EDARADD: variants seen among roughly 807,000 people sequenced by gnomAD.
The protein encoded by EDARADD is ectodysplasin-A receptor-associated adapter protein.
EDARADD carries 20 observed loss-of-function variants against 25.6 expected under a neutral mutation model. The ratio of observed to expected loss-of-function variants is 0.78; its 90% CI spans 0.55 to 1.14. EDARADD has a LOEUF of 1.14. Among genes scored for constraint, EDARADD ranks in the 50% most tolerant of loss-of-function variants. The pLI, the probability that EDARADD is intolerant of heterozygous loss-of-function variation, is 0.00. For synonymous variants in EDARADD, 86 were observed against 94.4 expected (o/e 0.91, Z 0.52); for missense variants, 225 against 270.1 (o/e 0.83, Z 1.17).
intron 3 of EDARADD, among the ~76,000 whole-genome samples, chr1:236,356,826 G>A (rs915628397): frequency 1.3e-5 from 2 of 152,124 alleles, no homozygotes; most frequent in Non-Finnish European, 2.9e-5. Flanking sequence ...GCTCACACCT[G>A]TAATCCCAGC....
intron 4 of EDARADD, among the ~76,000 whole-genome samples, chr1:236,461,727 G>T (rs528134846): frequency 2.4e-4 from 36 of 152,166 alleles, no homozygotes; most frequent in Admixed American, 1.2e-3. Context: ...CTTGGTGTTC[G>T]TGGTGGTTTC....
At chr1:236,443,067 A>G (rs745670618) in intron 4 of EDARADD, among the ~76,000 whole-genome samples, 9 of 152,186 alleles carry the variant, frequency 5.9e-5, no homozygotes, top group Non-Finnish European at 1.2e-4. Flanking sequence ...AAGTTACCAT[A>G]TTAGCATGCC....
intron 4 of EDARADD, among the ~76,000 whole-genome samples, chr1:236,466,452 C>G (rs1340262155): frequency 6.6e-6 from 1 of 151,840 alleles, no homozygotes; most frequent in Non-Finnish European, 1.5e-5. Flanking sequence ...CACACACACA[C>G]ACACACACTC....
chr1:236,370,093 C>A (rs1344973012), intron 3 of EDARADD, among the ~76,000 whole-genome samples: 9 of 152,078 alleles, frequency 5.9e-5, no homozygotes, highest in Non-Finnish European at 1.3e-4. Context: ...AAGGGTTCAT[C>A]TTGCCCACTG....
intron 4 of EDARADD, among the ~76,000 whole-genome samples, chr1:236,460,621 G>A (rs1659012059): frequency 6.6e-6 from 1 of 152,116 alleles, no homozygotes; most frequent in Admixed American, 6.5e-5. Context: ...TAATTATTTT[G>A]CAGAAAAAGA....
intron 5 of EDARADD, among the ~76,000 whole-genome samples, chr1:236,475,428 T>C (rs1360977081): frequency 1.3e-5 from 2 of 152,212 alleles, no homozygotes; most frequent in African/African-American, 4.8e-5. Flanking sequence ...TAGCAGTTCA[T>C]GTAGATTCCA....
chr1:236,373,740 T>C (rs1036871043), intron 3 of EDARADD, among the ~76,000 whole-genome samples: 1 of 152,158 alleles, frequency 6.6e-6, no homozygotes, highest in Non-Finnish European at 1.5e-5. Context: ...TTTCCTAAAG[T>C]GGAAGCATAG....
intron 4 of EDARADD, among the ~76,000 whole-genome samples, chr1:236,454,249 C>T (rs1022204096): frequency 5.9e-5 from 9 of 152,066 alleles, no homozygotes; most frequent in Admixed American, 6.5e-5. Flanking sequence ...AGGGTTTCAC[C>T]CTGTTAGCCA....
chr1:236,408,377 A>G (rs1275663175), intron 1 of EDARADD, among the ~76,000 whole-genome samples: 4 of 151,722 alleles, frequency 2.6e-5, no homozygotes, highest in Non-Finnish European at 4.4e-5. Flanking sequence ...TAATTTTTGT[A>G]TTTTTAGTAG....
chr1:236,460,482 T>TG (rs1470362726), intron 4 of EDARADD, among the ~76,000 whole-genome samples: 1 of 152,120 alleles, frequency 6.6e-6, no homozygotes, highest in African/African-American at 2.4e-5. Flanking sequence ...CACCATTCCC[T>TG]GGCCAAATAC....
At position 236,484,708 on chromosome 1, in the gene EDARADD, GAAA is replaced by G. The variant is rs11358746; in HGVS notation, c.*2076_*2078del. On this transcript the variant is annotated 3_prime_UTR_variant, in exon 6 of 6. Coordinates refer to ENST00000334232, the MANE Select transcript of EDARADD (RefSeq NM_145861.4). This position sits in a 1 kb window ranked among gnomAD's most constrained non-coding sequence, Gnocchi z 4.1. ...GGAGACAGAGTGAGAGTCCGTCCCA[GAAA>G]AAAAAAAAAAAAAAAAGAACTTCTA... The G allele has an allele frequency of 7.4e-3, 1,102 of 148,394 alleles. No homozygotes were observed. Among genetic ancestry groups the G allele is most frequent in the South Asian group, 0.019 (147 of 7,586 alleles). The allele number at this position is 148,394 out of a possible 1,614,324, so 9.2% of individuals were successfully genotyped here. A position where few individuals can be genotyped will look rare whatever the true frequency, so the allele number is the denominator to read the frequency against.
chr1:236,405,777 CTTTCTTTCTTTCTTTT>C (rs1417987859), intron 1 of EDARADD, among the ~76,000 whole-genome samples: 1 of 68,186 alleles, frequency 1.5e-5, no homozygotes, highest in Non-Finnish European at 3.1e-5. Flanking sequence ...TTCTTTCTTT[CTTTCTTTCTTTCTTTT>C]CTTTTTCTTT....
At chr1:236,468,092 A>G in intron 4 of EDARADD, 139 bp from the exon 5 acceptor site, 1 of 789,080 alleles carries the variant, frequency 1.3e-6, no homozygotes, top group Non-Finnish European at 2.3e-6. Flanking sequence ...TCCCATTAAA[A>G]TGCCATTCTC....
At chr1:236,365,804 T>C (rs1667107571) in intron 3 of EDARADD, among the ~76,000 whole-genome samples, 1 of 152,176 alleles carries the variant, frequency 6.6e-6, no homozygotes, top group African/African-American at 2.4e-5. Flanking sequence ...TCATCCTTTG[T>C]TATTCTGATT....
chr1:236,483,483 G>C lies in EDARADD; in HGVS notation c.*834G>C. The C allele has an allele frequency of 9.8e-7, 1 of 1,017,962 alleles. No homozygotes were observed. Among genetic ancestry groups the C allele is most frequent in the South Asian group, 1.3e-5 (1 of 78,912 alleles). 63.1% of individuals were successfully genotyped at this position (1,017,962 alleles called of 1,614,324 possible). ...TGGAACAGAAAATAAATCTAAATTT[G>C]GTGCAAATGCCATTCTGGGAGTGTC... On this transcript the variant is annotated 3_prime_UTR_variant, in exon 6 of 6. Coordinates refer to ENST00000334232, the MANE Select transcript of EDARADD (RefSeq NM_145861.4).
At chr1:236,456,382 T>C (rs1271706083) in intron 4 of EDARADD, among the ~76,000 whole-genome samples, 1 of 152,200 alleles carries the variant, frequency 6.6e-6, no homozygotes, top group Non-Finnish European at 1.5e-5. Context: ...CGCTAGAAAG[T>C]TAAAAATAAA....
chr1:236,445,076 C>G (rs577691415), intron 4 of EDARADD, among the ~76,000 whole-genome samples: 18 of 151,874 alleles, frequency 1.2e-4, no homozygotes, highest in African/African-American at 4.1e-4. Context: ...AATCTTGTAT[C>G]CTGCCACTCT....
Position 236,398,220 on chromosome 1 carries a change from G to T in EDARADD, c.61+3715G>T, listed in dbSNP as rs945861109. On this transcript the variant is annotated intron_variant, in intron 1 of 5. Coordinates refer to ENST00000334232, the MANE Select transcript of EDARADD (RefSeq NM_145861.4). The surrounding 1 kb of genome is among the most constrained non-coding windows in gnomAD (Gnocchi z 4.1). The stretch of plus-strand genomic sequence containing the variant: ...ACTCACTGCAACCTCCGCCTCCCGG[G>T]TTCAAGAGATTCTCCTGTCTCAGCC... Among the ~76,000 whole-genome samples the T allele has an allele frequency of 6.6e-6, 1 of 152,116 alleles. No individual in the cohort carries two copies. The highest frequency in any genetic ancestry group is 1.5e-5 in the Non-Finnish European group (1 of 68,024).
intron 2 of EDARADD, among the ~76,000 whole-genome samples, chr1:236,409,584 C>T (rs990580292): frequency 6.6e-6 from 1 of 151,604 alleles, no homozygotes. Context: ...TTTTTTTAGA[C>T]GGAGTCTTGC....
Sources: gnomAD v4.1 joint callset for allele counts (sites outside exome capture counted in the v4.1 genomes callset) on GRCh38, gnomAD v4.1.1 for gene constraint, Gnocchi (gnomAD v3.1) non-coding constraint, MANE v1.5 for transcripts, NCBI Gene and HGNC (gene_info 2026-07-23, HGNC 2026-07-21) for gene names.